CCDC18: variants seen among roughly 807,000 people sequenced by gnomAD.
CCDC18 encodes the protein coiled-coil domain-containing protein 18.
Under a neutral mutation model 196.0 loss-of-function variants are expected in CCDC18, and 157 were observed. The ratio of observed to expected loss-of-function variants is 0.80; its 90% CI spans 0.70 to 0.91. The LOEUF is 0.91. Ranked by LOEUF, CCDC18 falls within the 40% of genes least tolerant of loss-of-function variation. The pLI is 0.00. For missense variants in CCDC18, 1,465 were observed against 1,611.6 expected, an observed-to-expected ratio of 0.91 and a Z score of 1.56; for synonymous variants, 482 against 529.2, an observed-to-expected ratio of 0.91 and a Z score of 1.22.
At chr1:93,263,076 C>A (rs192237012) in intron 26 of CCDC18, among the ~76,000 whole-genome samples, 3 of 152,066 alleles carry the variant, frequency 2.0e-5, no homozygotes, top group South Asian at 2.1e-4. Flanking sequence ...ATACAGGTCA[C>A]CCCGTCTTGA....
intron 17 of CCDC18, among the ~76,000 whole-genome samples, chr1:93,229,122 C>A (rs1409355155): frequency 1.3e-5 from 2 of 152,082 alleles, no homozygotes; most frequent in African/African-American, 4.8e-5. Context: ...GAAATACATA[C>A]CTAGGCTCAA....
At chr1:93,202,011 C>T (rs778672296) in intron 7 of CCDC18, 23 bp downstream of exon 7, 67 of 1,454,156 alleles carry the variant, frequency 4.6e-5, no homozygotes, top group African/African-American at 9.8e-5. Flanking sequence ...TGTGCAAATT[C>T]AGTGTTTTGT....
intron 25 of CCDC18, among the ~76,000 whole-genome samples, chr1:93,258,478 C>T (rs975887839): frequency 6.6e-6 from 1 of 152,054 alleles, no homozygotes; most frequent in Non-Finnish European, 1.5e-5. Context: ...GTTCAGTGTC[C>T]TGAGGTTATT....
At chr1:93,188,980 C>T (rs1257441612) in intron 4 of CCDC18, among the ~76,000 whole-genome samples, 8 of 152,200 alleles carry the variant, frequency 5.3e-5, no homozygotes, top group Admixed American at 2.0e-4. Flanking sequence ...TATAAACAAT[C>T]CAGTTAAACT....
At chr1:93,181,850 C>G (rs1042843162) in intron 1 of CCDC18, among the ~76,000 whole-genome samples, 1 of 152,158 alleles carries the variant, frequency 6.6e-6, no homozygotes, top group African/African-American at 2.4e-5. Flanking sequence ...CTTTTGACCT[C>G]GTGATCCACC....
At chr1:93,181,740 G>A (rs537865950) in intron 1 of CCDC18, among the ~76,000 whole-genome samples, 1 of 151,812 alleles carries the variant, frequency 6.6e-6, no homozygotes, top group Non-Finnish European at 1.5e-5. Context: ...TCAGCCTCCC[G>A]AGTAGCTGAG....
At chr1:93,213,158 G>A (rs901022528) in intron 11 of CCDC18, among the ~76,000 whole-genome samples, 3 of 151,938 alleles carry the variant, frequency 2.0e-5, no homozygotes, top group Non-Finnish European at 4.4e-5. Context: ...TTGCTCATTC[G>A]CCTGCCACTC....
chr1:93,268,965 ACACATG>A (rs1051849526), intron 27 of CCDC18, among the ~76,000 whole-genome samples: 76 of 152,306 alleles, frequency 5.0e-4, no homozygotes, highest in African/African-American at 1.8e-3. Context: ...TGCTATAAAG[ACACATG>A]CACATGTATG....
intron 1 of CCDC18, 78 bp from the exon 2 acceptor site, chr1:93,183,277 GTTAAA>G: frequency 5.1e-6 from 5 of 976,392 alleles, no homozygotes; most frequent in Non-Finnish European, 7.2e-6. Context: ...AAACTAATGA[GTTAAA>G]TTCTATTCAT....
At position 93,232,591 on chromosome 1, in the gene CCDC18, C is replaced by T. The variant is rs776209778; in HGVS notation, c.2458C>T (p.Gln820Ter). ...LEDTQTKLEK[Q>*]VSKLEQELQK... ...AGATACTCAAACTAAACTTGAAAAA[C>T]AGGTATATATTATTAGCCCAAGATT... The change falls in exon 18 of 29, where the codon CAG (glutamine) becomes TAG (stop). Residue 820 changes from glutamine (Q) to a stop codon, truncating the protein, a stop_gained and splice_region_variant. Coordinates refer to ENST00000690025, the MANE Select transcript of CCDC18 (RefSeq NM_001378204.1). LOFTEE classifies it high-confidence loss of function. 20 of 1,581,512 alleles carry T rather than the reference C, an allele frequency of 1.3e-5. No homozygotes were observed.
At position 93,207,335 on chromosome 1, in the gene CCDC18, A is replaced by G. The variant is rs750846073; in HGVS notation, c.1146A>G (p.Gln382=). 3.2e-5 allele frequency: 52 copies of G among 1,612,882 alleles called. No individual in the cohort carries two copies. The highest frequency in any genetic ancestry group is 1.6e-4 in the Middle Eastern group (1 of 6,078). Residue 382 remains glutamine, a synonymous_variant, in exon 9 of 29, where the codon CAA becomes CAG. Transcript: ENST00000690025. Reference sequence around the variant, plus strand: ...AGAATGAGCGACTAGATTTATGTCAACAAGAAATTGAAAGTTCAAGGGTAG... The same window carrying G: ...AGAATGAGCGACTAGATTTATGTCAGCAAGAAATTGAAAGTTCAAGGGTAG... ...AAQNERLDLC[Q]QEIESSRVEL...
intron 27 of CCDC18, among the ~76,000 whole-genome samples, chr1:93,269,322 T>C (rs1178023398): frequency 6.6e-6 from 1 of 151,160 alleles, no homozygotes; most frequent in Non-Finnish European, 1.5e-5. Context: ...AAATCCCTAA[T>C]GTAAATGACG....
At chr1:93,222,002 C>A in intron 16 of CCDC18, 66 bp downstream of exon 16, 1 of 1,099,276 alleles carries the variant, frequency 9.1e-7, no homozygotes, top group Non-Finnish European at 1.3e-6. Flanking sequence ...CAGAATCTCT[C>A]TCATTTGCCT....
intron 28 of CCDC18, among the ~76,000 whole-genome samples, chr1:93,276,356 C>G (rs1665620988): frequency 1.3e-5 from 2 of 152,132 alleles, no homozygotes; most frequent in Non-Finnish European, 2.9e-5. Flanking sequence ...CAATTTAGAA[C>G]ACAATATCAG....
At position 93,184,134 on chromosome 1, in the gene CCDC18, G is replaced by T; in HGVS notation, c.291G>T (p.Lys97Asn). The T allele has an allele frequency of 4.0e-6, 6 of 1,516,126 alleles. No individual in the cohort carries two copies. Among genetic ancestry groups the T allele is most frequent in the Non-Finnish European group, 5.3e-6 (6 of 1,124,258 alleles). The allele number at this position is 1,516,126 out of a possible 1,614,324, so 93.9% of individuals were successfully genotyped here. ...GTAGCAGCACTGATTTTCAAAAAAA[G>T]CCAAGAGATAAGGTTATTGTTTTTA... is the stretch of plus-strand genomic sequence containing the variant. ...ISGSSTDFQK[K>N]PRDKMFSSSA... The change falls in exon 3 of 29, where the codon AAG becomes AAT. Residue 97 changes from lysine (K) to asparagine (N), a missense_variant. Physicochemically the swap from Lys to Asn is moderately conservative, Grantham distance 94 (BLOSUM62 0). Coordinates refer to ENST00000690025, the MANE Select transcript of CCDC18 (RefSeq NM_001378204.1).
chr1:93,266,772 C>G (rs1177213651), intron 27 of CCDC18, among the ~76,000 whole-genome samples: 1 of 152,076 alleles, frequency 6.6e-6, no homozygotes, highest in Non-Finnish European at 1.5e-5. Flanking sequence ...AGTAGACCAA[C>G]AACAGGTTCT....
intron 27 of CCDC18, among the ~76,000 whole-genome samples, chr1:93,266,934 A>G (rs1462419438): frequency 6.6e-6 from 1 of 152,168 alleles, no homozygotes; most frequent in Non-Finnish European, 1.5e-5. Context: ...ATCCTCCCTA[A>G]CTCATTTTCT....
upstream of CCDC18, chr1:93,179,965 C>G (rs142651786): frequency 1.1e-4 from 155 of 1,380,102 alleles, no homozygotes; most frequent in Middle Eastern, 4.3e-4. Context: ...CCACCAGGGC[C>G]GTCCACCAGA....
Position 93,204,014 on chromosome 1 carries a change from C to T in CCDC18, c.796-1496C>T, listed in dbSNP as rs191620864. On this transcript the variant is annotated intron_variant, in intron 7 of 28. Coordinates refer to ENST00000690025, the MANE Select transcript of CCDC18 (RefSeq NM_001378204.1). The stretch of plus-strand genomic sequence containing the variant: ...TAGCTAACAGACAATTCTTTACATA[C>T]GGTAGGTGAAGAGGAAATAAGTGTG... 2.2e-3 allele frequency among the ~76,000 whole-genome samples: 334 copies of T among 151,888 alleles called. 2 individuals are homozygous for T. The highest frequency in any genetic ancestry group is 7.8e-3 in the African/African-American group (323 of 41,444).
Sources: gnomAD v4.1 joint callset for allele counts (sites outside exome capture counted in the v4.1 genomes callset) on GRCh38, gnomAD v4.1.1 for gene constraint, MANE v1.5 for transcripts, NCBI Gene and HGNC (gene_info 2026-07-23, HGNC 2026-07-21) for gene names.